The following CSMD1 variants were observed in gnomAD, a reference collection of about 807,000 sequenced individuals.
CSMD1 encodes CUB and sushi domain-containing protein 1.
Under a neutral mutation model 417.5 loss-of-function variants are expected in CSMD1, and 213 were observed. That is an observed-to-expected ratio of 0.51 (90% CI 0.46 to 0.57). The LOEUF is 0.57. Among genes scored for constraint, CSMD1 ranks in the 20% least tolerant of loss-of-function variants. The pLI is 0.00. For missense variants in CSMD1, 6,923 were observed against 4,529.7 expected (o/e 1.53, Z -15.17); for synonymous variants, 2,862 against 1,736.8 (o/e 1.65, Z -16.11).
chr8:3,479,884 G>A (rs186776567), intron 11 of CSMD1, among the ~76,000 whole-genome samples: 1 of 151,884 alleles, frequency 6.6e-6, no homozygotes, highest in African/African-American at 2.4e-5. Flanking sequence ...ATAAATCTAA[G>A]TAAAGAAATA....
intron 6 of CSMD1, among the ~76,000 whole-genome samples, chr8:3,750,193 G>C (rs189216950): frequency 6.6e-6 from 1 of 152,040 alleles, no homozygotes; most frequent in East Asian, 1.9e-4. Flanking sequence ...TAACACTGAC[G>C]GAATTTTTGT....
chr8:3,985,668 T>A (rs530497262), intron 5 of CSMD1, among the ~76,000 whole-genome samples: 16 of 152,198 alleles, frequency 1.1e-4, no homozygotes, highest in African/African-American at 3.1e-4. Context: ...AGGTTGATGC[T>A]AGAATTCTCA....
intron 1 of CSMD1, among the ~76,000 whole-genome samples, chr8:4,870,987 G>T (rs577194401): frequency 6.6e-6 from 1 of 152,182 alleles, no homozygotes; most frequent in African/African-American, 2.4e-5. Flanking sequence ...CTCAGGGGAT[G>T]CCACAGGGTC....
At chr8:3,698,950 C>T (rs148723800) in intron 7 of CSMD1, among the ~76,000 whole-genome samples, 285 of 152,312 alleles carry the variant, frequency 1.9e-3, no homozygotes, top group African/African-American at 6.8e-3. Flanking sequence ...TGTTCTAAGT[C>T]AGGCATCCAG....
chr8:3,264,661 C>A (rs1016839377), intron 26 of CSMD1, among the ~76,000 whole-genome samples: 1 of 152,116 alleles, frequency 6.6e-6, no homozygotes, highest in Non-Finnish European at 1.5e-5. Context: ...AAGTACTCAT[C>A]AAAACTGTGG....
At chr8:4,476,844 A>T (rs1800827773) in intron 2 of CSMD1, among the ~76,000 whole-genome samples, 2 of 152,210 alleles carry the variant, frequency 1.3e-5, no homozygotes. Flanking sequence ...ATTCCTTACG[A>T]AAAAAGCTTC....
intron 18 of CSMD1, among the ~76,000 whole-genome samples, chr8:3,385,830 A>T (rs1196650706): frequency 6.6e-6 from 1 of 151,928 alleles, no homozygotes; most frequent in African/African-American, 2.4e-5. Context: ...GGATAAGAAG[A>T]AGTTGGCCAG....
chr8:4,442,262 T>C (rs1245993412), intron 2 of CSMD1, among the ~76,000 whole-genome samples: 1 of 152,168 alleles, frequency 6.6e-6, no homozygotes, highest in African/African-American at 2.4e-5. Flanking sequence ...CTTTAAAATT[T>C]TGTTTTTATA....
chr8:3,773,179 G>A (rs1280852801), intron 5 of CSMD1, among the ~76,000 whole-genome samples: 1 of 152,158 alleles, frequency 6.6e-6, no homozygotes, highest in Non-Finnish European at 1.5e-5. Context: ...GAACTCTAGG[G>A]GGACACTGAC....
chr8:4,870,871 C>T (rs984865488), intron 1 of CSMD1, among the ~76,000 whole-genome samples: 1 of 152,124 alleles, frequency 6.6e-6, no homozygotes, highest in Non-Finnish European at 1.5e-5. Context: ...TCCCACAGTT[C>T]CTGATTGTGT....
At chr8:3,223,698 C>A in intron 28 of CSMD1, 31 bp downstream of exon 28, 1 of 1,609,560 alleles carries the variant, frequency 6.2e-7, no homozygotes, top group Non-Finnish European at 8.5e-7. Flanking sequence ...AAAAATCCTA[C>A]TAAAAAGAGG....
At chr8:3,881,011 G>C (rs940554303) in intron 5 of CSMD1, among the ~76,000 whole-genome samples, 2 of 151,992 alleles carry the variant, frequency 1.3e-5, no homozygotes, top group African/African-American at 4.8e-5. Flanking sequence ...ATTTTAAAAA[G>C]AAATCATTTA....
At chr8:4,111,262 G>C (rs992294197) in intron 3 of CSMD1, among the ~76,000 whole-genome samples, 1 of 152,078 alleles carries the variant, frequency 6.6e-6, no homozygotes, top group Non-Finnish European at 1.5e-5. Context: ...CAGTCAGTTT[G>C]TTTTAGATAT....
At chr8:4,525,979 G>C (rs377560716) in intron 2 of CSMD1, among the ~76,000 whole-genome samples, 1 of 152,174 alleles carries the variant, frequency 6.6e-6, no homozygotes, top group Middle Eastern at 3.4e-3. Flanking sequence ...GCCTTTGCCC[G>C]TTGCTTCCAG....
At chr8:3,992,774 C>G (rs1814859572) in intron 5 of CSMD1, among the ~76,000 whole-genome samples, 3 of 152,288 alleles carry the variant, frequency 2.0e-5, no homozygotes, top group East Asian at 1.9e-4. Flanking sequence ...GAAGGAGACC[C>G]AGTACTAACA....
At chr8:3,671,949 C>T (rs950608680) in intron 7 of CSMD1, among the ~76,000 whole-genome samples, 21 of 152,016 alleles carry the variant, frequency 1.4e-4, no homozygotes, top group Non-Finnish European at 2.1e-4. Flanking sequence ...AGAAAGTTTT[C>T]GACCACACAT....
intron 3 of CSMD1, among the ~76,000 whole-genome samples, chr8:4,366,028 A>C (rs1802048897): frequency 6.6e-6 from 1 of 152,152 alleles, no homozygotes; most frequent in African/African-American, 2.4e-5. Context: ...CCTGTCGCCC[A>C]GGTAGTGAGC....
rs180823704 is a variant in CSMD1 at position 3,678,466 on chromosome 8, G to A, written c.1009+29948C>T. Reference sequence around the variant, plus strand: ...CTGAAGATCAAATGAATGAAATGAAGTAAGAAGAGAAGTTTAGAGAAAAAG... The same window carrying A: ...CTGAAGATCAAATGAATGAAATGAAATAAGAAGAGAAGTTTAGAGAAAAAG... On this transcript the variant is annotated intron_variant, in intron 7 of 69. Transcript: ENST00000635120. 4.9e-4 allele frequency among the ~76,000 whole-genome samples: 75 copies of A among 152,230 alleles called. 1 individual carries two copies. In the South Asian group the frequency reaches 8.9e-3, roughly 18 times the overall value.
At chr8:4,192,728 A>G (rs1799101878) in intron 3 of CSMD1, among the ~76,000 whole-genome samples, 1 of 152,202 alleles carries the variant, frequency 6.6e-6, no homozygotes, top group African/African-American at 2.4e-5. Flanking sequence ...GGAATTGTCT[A>G]TGTATTTGCA....
Sources: allele counts gnomAD v4.1 joint callset (sites outside exome capture counted in the v4.1 genomes callset), GRCh38; gene constraint gnomAD v4.1.1; transcripts MANE v1.5; gene names NCBI Gene and HGNC (gene_info 2026-07-23, HGNC 2026-07-21).